EIF2AK4: variants seen among roughly 807,000 people sequenced by gnomAD.
EIF2AK4 encodes eukaryotic translation initiation factor 2 alpha kinase 4, also known as eIF-2-alpha kinase GCN2.
In EIF2AK4, 139 loss-of-function variants were observed where a neutral mutation model predicts 211.1. The observed-to-expected ratio is 0.66, with a 90% CI of 0.57 to 0.76. EIF2AK4 has a LOEUF of 0.76. Ranked by LOEUF, EIF2AK4 falls within the 30% of genes least tolerant of loss-of-function variation. EIF2AK4 has a pLI of 0.00. For synonymous variants in EIF2AK4, 710 were observed against 751.3 expected (o/e 0.94, Z 0.90); for missense variants, 1,664 against 2,043.8 (o/e 0.81, Z 3.58).
chr15:39,968,289 C>T (rs528798154), intron 9 of EIF2AK4, among the ~76,000 whole-genome samples: 1 of 152,304 alleles, frequency 6.6e-6, no homozygotes, highest in African/African-American at 2.4e-5. Flanking sequence ...GCTTCTTAAC[C>T]ATTCTTCATT....
At chr15:39,934,809 C>T (rs985427586) in intron 1 of EIF2AK4, among the ~76,000 whole-genome samples, 1 of 152,196 alleles carries the variant, frequency 6.6e-6, no homozygotes, top group African/African-American at 2.4e-5. Context: ...ATCTGCACGC[C>T]ACATAATTCC....
At chr15:39,955,886 A>G (rs1359601486) in intron 6 of EIF2AK4, 118 bp downstream of exon 6, 2 of 1,052,848 alleles carry the variant, frequency 1.9e-6, no homozygotes, top group African/African-American at 3.4e-5. Flanking sequence ...ACTTTTTTCA[A>G]ACCTTATATA....
At position 40,030,436 on chromosome 15, in the gene EIF2AK4, A is replaced by C; in HGVS notation, c.4639A>C (p.Arg1547=). 1.9e-6 allele frequency: 3 copies of C among 1,614,062 alleles called. No individual in the cohort carries two copies. Among genetic ancestry groups the C allele is most frequent in the Non-Finnish European group, 1.7e-6 (2 of 1,179,990 alleles). Residue 1547 remains arginine (R), a synonymous_variant, in exon 35 of 39, where the codon AGG becomes CGG. Transcript: ENST00000263791. ...LAPEKLSAST[R]RRYETQVQTR... ...CCCGGAGAAGCTGTCAGCCAGCACT[A>C]GGAGGCGCTATGAAACTCAGGTACA...
At position 39,934,151 on chromosome 15, in the gene EIF2AK4, A is replaced by ACCG. The variant is rs1449939034; in HGVS notation, c.-39_-37dup. ...CCGCCCCGCAGGCTGCCGGGGGCCC[A>ACCG]CCGCCGCCCAGGCAAGGCCGCCCTG... On this transcript the variant is annotated 5_prime_UTR_variant, in exon 1 of 39. Coordinates refer to ENST00000263791, the MANE Select transcript of EIF2AK4 (RefSeq NM_001013703.4). 1 of 1,269,636 alleles carries ACCG rather than the reference A, an allele frequency of 7.9e-7. No homozygotes were observed. The allele number at this position is 1,269,636 out of a possible 1,614,324, so 78.6% of individuals were successfully genotyped here. A position where few individuals can be genotyped will look rare whatever the true frequency, so the allele number is the denominator to read the frequency against.
At chr15:40,004,254 C>T (rs933306794) in intron 23 of EIF2AK4, among the ~76,000 whole-genome samples, 2 of 152,154 alleles carry the variant, frequency 1.3e-5, no homozygotes, top group African/African-American at 2.4e-5. Context: ...CCAGCAATCC[C>T]ACTTTGAGCA....
intron 6 of EIF2AK4, among the ~76,000 whole-genome samples, chr15:39,961,531 AG>A (rs974302339): frequency 7.2e-5 from 11 of 152,148 alleles, no homozygotes; most frequent in African/African-American, 2.4e-4. Flanking sequence ...ACCTCGAGTT[AG>A]GGGTTTGTGG....
chr15:40,034,541 C>T (rs541161125), intron 38 of EIF2AK4, 97 bp downstream of exon 38: 61 of 912,312 alleles, frequency 6.7e-5, no homozygotes, highest in African/African-American at 3.1e-4. Flanking sequence ...TGAGGTTTGA[C>T]GCCTGGTAAG....
In EIF2AK4 at chr15:40,017,504, TATATATATATATATA is replaced by T. The variant is rs2035320735; in HGVS notation, c.4065+263_4065+277del. On this transcript the variant is annotated intron_variant, in intron 29 of 38. Transcript: ENST00000263791. ...TCATGTACCCTTTACTCTGTTTCTA[TATATATATATATATA>T]TATATATATATATATATATATATAT... 5.6e-3 allele frequency among the ~76,000 whole-genome samples: 450 copies of T among 81,064 alleles called. 37 individuals carry two copies. The highest frequency in any genetic ancestry group is 9.2e-3 in the African/African-American group (196 of 21,320). 53.2% of individuals were successfully genotyped at this position (81,064 alleles called of 152,430 possible).
At chr15:39,961,663 A>G in intron 6 of EIF2AK4, 121 bp from the exon 7 acceptor site, 1 of 724,440 alleles carries the variant, frequency 1.4e-6, no homozygotes. Context: ...ATAAACAGTA[A>G]TAAACGGGAG....
chr15:39,947,449 A>T (rs1170262769), intron 3 of EIF2AK4, among the ~76,000 whole-genome samples: 1 of 152,208 alleles, frequency 6.6e-6, no homozygotes, highest in Non-Finnish European at 1.5e-5. Context: ...TGTAAAAATA[A>T]ACTTAAGTAT....
At chr15:39,973,838 G>A in intron 11 of EIF2AK4, 89 bp downstream of exon 11, 11 of 1,469,492 alleles carry the variant, frequency 7.5e-6, no homozygotes, top group Non-Finnish European at 1.0e-5. Context: ...TTTATTTTGG[G>A]AGTGGGGAGG....
rs370929802 is a variant in EIF2AK4, at chr15:39,960,150, C to T, written c.744-1634C>T. 3.0e-4 allele frequency among the ~76,000 whole-genome samples: 39 copies of T among 128,986 alleles called. No individual in the cohort carries two copies. The East Asian group carries it at 7.2e-3, about 24-fold the overall frequency. The allele number at this position is 128,986 out of a possible 152,430, so 84.6% of individuals were successfully genotyped here. On this transcript the variant is annotated intron_variant, in intron 6 of 38. Transcript: ENST00000263791. ...CTGCACTCCAGCCTGGGCGACAGAG[C>T]GAGACTCCATCTCAAAAAAAAAAAA...
At chr15:39,934,965 GAGA>G (rs2034042463) in intron 1 of EIF2AK4, among the ~76,000 whole-genome samples, 1 of 152,158 alleles carries the variant, frequency 6.6e-6, no homozygotes, top group Non-Finnish European at 1.5e-5. Flanking sequence ...ACTGAGTCTA[GAGA>G]AGGAGTGTCC....
intron 18 of EIF2AK4, among the ~76,000 whole-genome samples, chr15:39,996,087 A>G (rs1020630759): frequency 1.3e-5 from 2 of 151,968 alleles, no homozygotes; most frequent in African/African-American, 4.8e-5. Context: ...TTTAGATTCT[A>G]CATACCAGTG....
intron 19 of EIF2AK4, 41 bp downstream of exon 19, chr15:39,997,106 G>A (rs771299907): frequency 1.1e-5 from 15 of 1,364,016 alleles, no homozygotes; most frequent in Middle Eastern, 1.8e-4. Context: ...TTCAGTAACC[G>A]GAATCTTAGC....
Position 39,976,736 on chromosome 15 carries a change from C to A in EIF2AK4, c.2141C>A (p.Ser714Ter), listed in dbSNP as rs754519298. The change falls in exon 12 of 39, where the codon TCG (serine) becomes TAG (stop). Residue 714 changes from serine (S) to a stop codon, truncating the protein, a stop_gained. Transcript: ENST00000263791. LOFTEE classifies it high-confidence loss of function. ...AGCAGCTCGGTGGAGTGGAGCACTT[C>A]GGGCGAGCGCTCGGCCAGTGCCCGT... ...ILSSSVEWST[S>*]GERSASARFP... is the part of the protein sequence containing the mutation. The A allele has an allele frequency of 1.9e-6, 3 of 1,601,326 alleles. No individual in the cohort carries two copies. Among genetic ancestry groups the A allele is most frequent in the Non-Finnish European group, 2.5e-6 (3 of 1,176,778 alleles).
rs2034925490 is a variant in EIF2AK4 at position 39,990,300 on chromosome 15, G to A, written c.2554G>A (p.Val852Ile). 1.2e-6 allele frequency: 2 copies of A among 1,614,174 alleles called. No individual in the cohort carries two copies. Among genetic ancestry groups the A allele is most frequent in the Non-Finnish European group, 1.7e-6 (2 of 1,180,028 alleles). The change falls in exon 16 of 39, where the codon GTC becomes ATC. Residue 852 changes from valine (V) to isoleucine (I), a missense_variant. Coordinates refer to ENST00000263791, the MANE Select transcript of EIF2AK4 (RefSeq NM_001013703.4). ...KGMIHRDLKP[V>I]NIFLDSDDHV... is the part of the protein sequence containing the mutation. Reference sequence around the variant, plus strand: ...AATGATTCACCGGGATTTGAAGCCTGTCAACATTTTTTTGGATTCTGATGA... The same window carrying A: ...AATGATTCACCGGGATTTGAAGCCTATCAACATTTTTTTGGATTCTGATGA...
intron 27 of EIF2AK4, among the ~76,000 whole-genome samples, chr15:40,012,141 G>C (rs770449760): frequency 4.6e-5 from 7 of 152,176 alleles, no homozygotes; most frequent in Non-Finnish European, 1.0e-4. Flanking sequence ...GGCAGGAAGA[G>C]TCACTCAATC....
chr15:39,986,057 A>G (rs2034860833), intron 14 of EIF2AK4, among the ~76,000 whole-genome samples, 169 bp downstream of exon 14: 1 of 151,842 alleles, frequency 6.6e-6, no homozygotes, highest in African/African-American at 2.4e-5. Flanking sequence ...CCAGCCTTGA[A>G]CTCATGCTTT....
Sources: gnomAD v4.1 joint callset for allele counts (sites outside exome capture counted in the v4.1 genomes callset) on GRCh38, gnomAD v4.1.1 for gene constraint, MANE v1.5 for transcripts, NCBI Gene and HGNC (gene_info 2026-07-23, HGNC 2026-07-21) for gene names.